The following LRP5 variants were observed in gnomAD, a reference collection of about 807,000 sequenced individuals.
The protein encoded by LRP5 is low-density lipoprotein receptor-related protein 5.
Under a neutral mutation model 154.1 loss-of-function variants are expected in LRP5, and 62 were observed. That is an observed-to-expected ratio of 0.40 (90% confidence interval 0.33 to 0.50). The LOEUF (loss-of-function observed/expected upper bound fraction) is 0.50, where lower values mean the gene tolerates loss of function less well. Ranked by LOEUF, LRP5 falls within the 20% of genes least tolerant of loss-of-function variation. The pLI is 0.55. For missense variants in LRP5, 1,915 were observed against 2,336.7 expected (o/e 0.82, Z 3.72); for synonymous variants, 966 against 1,011.5 (o/e 0.96, Z 0.85).
chr11:68,359,077 T>C (rs963362490), intron 3 of LRP5, among the ~76,000 whole-genome samples: 3 of 152,256 alleles, frequency 2.0e-5, no homozygotes, highest in African/African-American at 7.2e-5. Flanking sequence ...TATCCATTGC[T>C]GTGTAACAAA....
chr11:68,443,320 T>G (rs192547349), intron 21 of LRP5, among the ~76,000 whole-genome samples: 1 of 150,538 alleles, frequency 6.6e-6, no homozygotes, highest in Non-Finnish European at 1.5e-5. Flanking sequence ...CTGGCCAACA[T>G]GGAGAAACCC....
rs893408128 is a variant in LRP5 at position 68,347,555 on chromosome 11, G to A, written c.92-292G>A. Among the ~76,000 whole-genome samples, 52 of 152,326 alleles carry A rather than the reference G, an allele frequency of 3.4e-4. 2 individuals carry two copies. Among genetic ancestry groups the A allele is most frequent in the Admixed American group, 2.2e-3 (33 of 15,310 alleles). The stretch of plus-strand genomic sequence containing the variant: ...GATGTGGGAGGTTTTGGGCATGGCA[G>A]GAAGGGTCACCCATATCTGGGGGAA... On this transcript the variant is annotated intron_variant, in intron 1 of 22. Transcript: ENST00000294304.
intron 7 of LRP5, 51 bp downstream of exon 7, chr11:68,390,103 C>T (rs1483393066): frequency 2.5e-6 from 4 of 1,602,732 alleles, no homozygotes; most frequent in African/African-American, 1.3e-5. Context: ...CCAGCCACCC[C>T]CTGCAGCCAG....
At chr11:68,384,968 C>T (rs531009581) in intron 5 of LRP5, among the ~76,000 whole-genome samples, 11 of 152,262 alleles carry the variant, frequency 7.2e-5, no homozygotes, top group African/African-American at 2.4e-4. Context: ...GCTGTGGCCA[C>T]GGAGGGAGCC....
chr11:68,307,079 G>A, the LRP5 span, among the ~76,000 whole-genome samples: 2 of 152,158 alleles, frequency 1.3e-5, no homozygotes, highest in Admixed American at 6.5e-5. Context: ...CTACTCGGGA[G>A]GCTGAGGCAG....
chr11:68,361,311 AAAAATAATAAAAT>A (rs1055533042), intron 3 of LRP5, among the ~76,000 whole-genome samples: 5 of 148,246 alleles, frequency 3.4e-5, no homozygotes, highest in African/African-American at 9.9e-5. Context: ...TCTCAAAAAA[AAAAATAATAAAAT>A]AAAATAATAA....
intron 1 of LRP5, among the ~76,000 whole-genome samples, chr11:68,343,307 G>A (rs532686949): frequency 1.2e-4 from 18 of 152,300 alleles, no homozygotes; most frequent in Admixed American, 7.2e-4. Context: ...CTCTCGGGCC[G>A]GAGCTGGGTC....
intron 1 of LRP5, among the ~76,000 whole-genome samples, chr11:68,316,773 C>T (rs184111423): frequency 7.2e-4 from 109 of 152,254 alleles, no homozygotes; most frequent in African/African-American, 2.4e-3. Context: ...GGTTCAGGAA[C>T]GAGCCAGGTG....
chr11:68,327,643 C>CA (rs1484461128), intron 1 of LRP5, among the ~76,000 whole-genome samples: 7 of 152,198 alleles, frequency 4.6e-5, no homozygotes, highest in African/African-American at 1.7e-4. Flanking sequence ...ACAGTAGTTC[C>CA]ACCTCCTATG....
At chr11:68,305,536 G>A in the LRP5 span, among the ~76,000 whole-genome samples, 3 of 151,932 alleles carry the variant, frequency 2.0e-5, no homozygotes, top group African/African-American at 7.3e-5. Flanking sequence ...TCCTCCTCCC[G>A]GGCGCAAGTG....
intron 1 of LRP5, among the ~76,000 whole-genome samples, chr11:68,335,074 CT>C (rs35822609): frequency 0.2 from 25,045 of 123,482 alleles, 2,735 homozygotes; most frequent in Non-Finnish European, 0.29. Context: ...CCTGACCTGG[CT>C]TTTTTTTTTT....
At chr11:68,439,467 C>A (rs1591329493) in intron 20 of LRP5, among the ~76,000 whole-genome samples, 1 of 152,188 alleles carries the variant, frequency 6.6e-6, no homozygotes, top group Admixed American at 6.5e-5. Context: ...GTCGCAGCAG[C>A]CCCCAGAGAA....
intron 1 of LRP5, among the ~76,000 whole-genome samples, chr11:68,320,152 G>A (rs2098595906): frequency 6.6e-6 from 1 of 152,108 alleles, no homozygotes; most frequent in South Asian, 2.1e-4. Context: ...GCAACAGAGC[G>A]AGACCCTGTC....
In LRP5 at chr11:68,446,274, C is replaced by A. The variant is rs140072262; in HGVS notation, c.4489-162C>A. On this transcript the variant is annotated intron_variant, in intron 21 of 22. Transcript: ENST00000294304. ...CCTTCGGGGCAGGTGGCTGCTGCCT[C>A]CCCTCCTGTCCCCAGGTTTTGCCAA... Among the ~76,000 whole-genome samples the A allele has an allele frequency of 0.011, 1,706 of 152,328 alleles. 12 individuals carry two copies. Among genetic ancestry groups the A allele is most frequent in the African/African-American group, 0.016 (653 of 41,568 alleles).
intron 11 of LRP5, 34 bp downstream of exon 11, chr11:68,411,654 G>A (rs1266063465): frequency 1.3e-6 from 2 of 1,586,598 alleles, no homozygotes; most frequent in Middle Eastern, 1.8e-4. Flanking sequence ...TGGTCATGGA[G>A]GGCGGGGCAG....
chr11:68,437,473 G>T (rs760035789), intron 19 of LRP5, among the ~76,000 whole-genome samples: 1 of 152,248 alleles, frequency 6.6e-6, no homozygotes, highest in Non-Finnish European at 1.5e-5. Flanking sequence ...GGGCCTAGGG[G>T]ATAGGAGGCC....
chr11:68,399,074 G>T (rs554203637), intron 7 of LRP5, among the ~76,000 whole-genome samples: 3 of 152,118 alleles, frequency 2.0e-5, no homozygotes, highest in Non-Finnish European at 1.5e-5. Flanking sequence ...TGCCTCTAGC[G>T]ATTTGGGAGG....
rs566645096 is a variant in LRP5 at position 68,320,836 on chromosome 11, A to T, written c.91+8031A>T. 3.3e-5 allele frequency among the ~76,000 whole-genome samples: 5 copies of T among 152,146 alleles called. No homozygotes were observed. The South Asian group carries it at 1.0e-3, about 32-fold the overall frequency. Reference sequence around the variant, plus strand: ...TTTAATTCTTTGTTCTGTTTGTTTCAGGTTTCACTGCTGGTCTGTAGCTAG... The same window carrying T: ...TTTAATTCTTTGTTCTGTTTGTTTCTGGTTTCACTGCTGGTCTGTAGCTAG... On this transcript the variant is annotated intron_variant, in intron 1 of 22. Transcript: ENST00000294304.
intron 1 of LRP5, among the ~76,000 whole-genome samples, chr11:68,325,939 T>C (rs1160680486): frequency 6.6e-6 from 1 of 152,180 alleles, no homozygotes; most frequent in Non-Finnish European, 1.5e-5. Context: ...CGCATCGCAA[T>C]TGTTACTCCA....
Sources: gnomAD v4.1 joint callset for allele counts (sites outside exome capture counted in the v4.1 genomes callset) on GRCh38, gnomAD v4.1.1 for gene constraint, MANE v1.5 for transcripts, NCBI Gene and HGNC (gene_info 2026-07-23, HGNC 2026-07-21) for gene names.